CCSER1: variants seen among roughly 807,000 people sequenced by gnomAD.
The protein encoded by CCSER1 is serine-rich coiled-coil domain-containing protein 1.
In CCSER1, 41 loss-of-function variants were observed where a neutral mutation model predicts 82.0. The ratio of observed to expected loss-of-function variants is 0.50; its 90% CI spans 0.39 to 0.65. CCSER1 has a LOEUF of 0.65. CCSER1 is among the 30% of genes least tolerant of loss of function. CCSER1 has a pLI of 0.00. For synonymous variants in CCSER1, 414 were observed against 383.9 expected (o/e 1.08, Z -0.92); for missense variants, 1,119 against 1,064.2 (o/e 1.05, Z -0.72).
chr4:91,131,461 G>T (rs912101639), intron 10 of CCSER1, among the ~76,000 whole-genome samples: 6 of 151,466 alleles, frequency 4.0e-5, no homozygotes, highest in African/African-American at 1.5e-4. Flanking sequence ...AACATTTGTA[G>T]CAAGACTGCT....
chr4:90,502,344 C>A (rs975912586), intron 5 of CCSER1, among the ~76,000 whole-genome samples: 2 of 152,242 alleles, frequency 1.3e-5, no homozygotes, highest in African/African-American at 4.8e-5. Context: ...ACAATCAGAT[C>A]TCTTGAGAAT....
chr4:90,355,068 T>C (rs1355228223), intron 3 of CCSER1, among the ~76,000 whole-genome samples: 1 of 152,130 alleles, frequency 6.6e-6, no homozygotes, highest in Non-Finnish European at 1.5e-5. Flanking sequence ...AAATAGTTTA[T>C]TTCCTAAGAA....
chr4:90,372,182 G>A (rs2153526034), intron 3 of CCSER1, among the ~76,000 whole-genome samples: 1 of 152,174 alleles, frequency 6.6e-6, no homozygotes, highest in Non-Finnish European at 1.5e-5. Context: ...AAAAAATGAT[G>A]CTGAAATCTA....
chr4:91,535,122 T>C (rs1761233255), intron 10 of CCSER1, among the ~76,000 whole-genome samples: 1 of 151,978 alleles, frequency 6.6e-6, no homozygotes, highest in African/African-American at 2.4e-5. Flanking sequence ...AGCATCATTA[T>C]TGGATAAATT....
chr4:90,785,812 A>G (rs191048809), intron 7 of CCSER1, among the ~76,000 whole-genome samples: 1 of 152,308 alleles, frequency 6.6e-6, no homozygotes, highest in Admixed American at 6.5e-5. Flanking sequence ...TAATGAACAA[A>G]ATGAGTATTG....
At chr4:90,154,548 A>G (rs1431804935) in intron 1 of CCSER1, among the ~76,000 whole-genome samples, 1 of 148,580 alleles carries the variant, frequency 6.7e-6, no homozygotes, top group Non-Finnish European at 1.5e-5. Context: ...ATCCTCTTTT[A>G]TTTCCTTGAG....
chr4:90,394,019 A>G (rs1179803875), intron 3 of CCSER1, among the ~76,000 whole-genome samples: 2 of 150,166 alleles, frequency 1.3e-5, no homozygotes, highest in Non-Finnish European at 3.0e-5. Context: ...GCTTTAAGTG[A>G]TCCTTGTGCC....
chr4:91,124,180 C>A (rs113466406), intron 10 of CCSER1, among the ~76,000 whole-genome samples: 4,539 of 151,440 alleles, frequency 0.03, 236 homozygotes, highest in African/African-American at 0.1. Flanking sequence ...ATTATTTTTT[C>A]TTTTCTAAAT....
At chr4:90,325,853 A>G (rs1738081280) in intron 3 of CCSER1, 1 of 227,924 alleles carries the variant, frequency 4.4e-6, no homozygotes, top group Admixed American at 4.7e-5. Context: ...ATATAGTACT[A>G]CTGAAGAATT....
chr4:90,191,962 T>C (rs1167777112), intron 1 of CCSER1, among the ~76,000 whole-genome samples: 1 of 152,058 alleles, frequency 6.6e-6, no homozygotes, highest in African/African-American at 2.4e-5. Flanking sequence ...CCTGTACTTA[T>C]TAAAAACAAC....
chr4:91,314,707 A>C (rs1047555165), intron 10 of CCSER1, among the ~76,000 whole-genome samples: 2 of 151,990 alleles, frequency 1.3e-5, no homozygotes, highest in Non-Finnish European at 2.9e-5. Flanking sequence ...CTGCCTTCTA[A>C]GATTCTCAAG....
chr4:91,564,523 G>T (rs1325912711), intron 10 of CCSER1, among the ~76,000 whole-genome samples: 1 of 151,864 alleles, frequency 6.6e-6, no homozygotes, highest in East Asian at 1.9e-4. Flanking sequence ...AGTGTATAAG[G>T]GTTCCTTTTC....
chr4:91,179,811 G>A (rs368119782), intron 10 of CCSER1, among the ~76,000 whole-genome samples: 8 of 152,294 alleles, frequency 5.3e-5, no homozygotes, highest in South Asian at 2.1e-4. Context: ...CTCTGAACTC[G>A]TCAAAGTCAT....
chr4:91,090,653 C>T (rs974999823), intron 10 of CCSER1, among the ~76,000 whole-genome samples: 1 of 152,124 alleles, frequency 6.6e-6, no homozygotes, highest in Non-Finnish European at 1.5e-5. Context: ...TTCCCATGGC[C>T]ACTGATCTCC....
intron 8 of CCSER1, among the ~76,000 whole-genome samples, chr4:90,906,824 G>A (rs1017730703): frequency 6.6e-6 from 1 of 151,888 alleles, no homozygotes; most frequent in African/African-American, 2.4e-5. Flanking sequence ...GTTGAATTAA[G>A]GACTTATGGT....
At chr4:91,385,788 G>C (rs902169859) in intron 10 of CCSER1, among the ~76,000 whole-genome samples, 1 of 151,812 alleles carries the variant, frequency 6.6e-6, no homozygotes, top group Non-Finnish European at 1.5e-5. Flanking sequence ...AAAATTCTAC[G>C]TGTATTTTTG....
At chr4:91,140,882 G>A (rs1190445844) in intron 10 of CCSER1, among the ~76,000 whole-genome samples, 1 of 152,072 alleles carries the variant, frequency 6.6e-6, no homozygotes, top group Admixed American at 6.6e-5. Context: ...ACAATGCTGA[G>A]GTTTGTGATA....
intron 6 of CCSER1, among the ~76,000 whole-genome samples, chr4:90,702,657 A>G (rs908406853): frequency 6.6e-6 from 1 of 152,138 alleles, no homozygotes; most frequent in Non-Finnish European, 1.5e-5. Context: ...AGAGCCTGTT[A>G]TTAGTCTATT....
chr4:91,245,584 C>T (rs1739707801), intron 10 of CCSER1, among the ~76,000 whole-genome samples: 1 of 152,094 alleles, frequency 6.6e-6, no homozygotes, highest in African/African-American at 2.4e-5. Flanking sequence ...AAGGTCTTCC[C>T]AAGACAAACA....
Sources: allele counts gnomAD v4.1 joint callset (sites outside exome capture counted in the v4.1 genomes callset), GRCh38; gene constraint gnomAD v4.1.1; transcripts MANE v1.5; gene names NCBI Gene and HGNC (gene_info 2026-07-23, HGNC 2026-07-21).